The following LPP variants were observed in gnomAD, a reference collection of about 807,000 sequenced individuals.
LPP encodes the protein lipoma-preferred partner.
In LPP, 38 loss-of-function variants were observed where a neutral mutation model predicts 60.4. The ratio of observed to expected loss-of-function variants is 0.63; its 90% CI spans 0.49 to 0.83. The LOEUF is 0.83. LPP is among the 40% of genes least tolerant of loss of function. The probability of loss-of-function intolerance (pLI) is 0.00; values close to 1 mark genes in which losing one functional copy is unlikely to be tolerated. For missense variants in LPP, 902 were observed against 783.6 expected (o/e 1.15, Z -1.80); for synonymous variants, 328 against 290.8 (o/e 1.13, Z -1.30).
At chr3:188,501,427 A>T (rs1811819241) in intron 5 of LPP, among the ~76,000 whole-genome samples, 1 of 152,170 alleles carries the variant, frequency 6.6e-6, no homozygotes, top group Non-Finnish European at 1.5e-5. Context: ...AGCCTGGCCA[A>T]CATAGTGAAA....
At chr3:188,269,887 A>G (rs1317459620) in intron 2 of LPP, among the ~76,000 whole-genome samples, 1 of 152,178 alleles carries the variant, frequency 6.6e-6, no homozygotes, top group Non-Finnish European at 1.5e-5. Context: ...ACCTCAAGTG[A>G]TCCACCCACC....
intron 5 of LPP, among the ~76,000 whole-genome samples, chr3:188,521,534 AC>A (rs1199210410): frequency 1.3e-5 from 2 of 152,156 alleles, no homozygotes; most frequent in African/African-American, 4.8e-5. Flanking sequence ...CTTTACTAAT[AC>A]CCCAAGGGAA....
In LPP at chr3:188,484,709, G is replaced by A. The variant is rs1805818300; in HGVS notation, c.306+5G>A. The A allele has an allele frequency of 6.3e-7, 1 of 1,593,556 alleles. No individual in the cohort carries two copies. Among genetic ancestry groups the A allele is most frequent in the Admixed American group, 1.7e-5 (1 of 59,964 alleles). On this transcript the variant is annotated splice_donor_5th_base_variant and intron_variant, in intron 5 of 11. Transcript: ENST00000617246. ...GAAGAGGCTTTCAAAGTACAGGTAA[G>A]AGCTGAAGTTAAAGTCATGTTAGGT...
chr3:188,546,943 C>A (rs1309716966), intron 6 of LPP, among the ~76,000 whole-genome samples: 1 of 152,158 alleles, frequency 6.6e-6, no homozygotes, highest in Admixed American at 6.5e-5. Flanking sequence ...CAGTTTATAC[C>A]CTTTCTCACA....
At chr3:188,528,758 A>AC (rs1203228677) in intron 6 of LPP, among the ~76,000 whole-genome samples, 2 of 152,110 alleles carry the variant, frequency 1.3e-5, no homozygotes, top group Admixed American at 6.5e-5. Flanking sequence ...GCACAACTGG[A>AC]CTTTGAATTT....
intron 2 of LPP, among the ~76,000 whole-genome samples, chr3:188,297,982 C>G (rs1050946050): frequency 1.3e-5 from 2 of 152,214 alleles, no homozygotes; most frequent in Non-Finnish European, 2.9e-5. Context: ...CAGAGCCTAT[C>G]ATTGTTTCAA....
intron 1 of LPP, among the ~76,000 whole-genome samples, chr3:188,194,483 T>C (rs1452552002): frequency 6.6e-6 from 1 of 152,166 alleles, no homozygotes; most frequent in African/African-American, 2.4e-5. Flanking sequence ...TCCTGCCCAA[T>C]CTGTTTACAT....
At position 188,882,409 on chromosome 3, in the gene LPP, A is replaced by C. The variant is rs1356236864; in HGVS notation, c.*7930A>C. On this transcript the variant is annotated 3_prime_UTR_variant, in exon 12 of 12. Transcript: ENST00000617246. ...GCTGAATGGGAAGAAAAAGGCATAG[A>C]GGAAGCCTGAGGAAGTATTTACTTG... The C allele has an allele frequency of 8.8e-6, 2 of 226,968 alleles. No homozygotes were observed. Among genetic ancestry groups the C allele is most frequent in the Non-Finnish European group, 1.8e-5 (2 of 114,068 alleles). The allele number at this position is 226,968 out of a possible 1,614,324, so 14.1% of individuals were successfully genotyped here. A position where few individuals can be genotyped will look rare whatever the true frequency, so the allele number is the denominator to read the frequency against.
At position 188,879,326 on chromosome 3, in the gene LPP, T is replaced by A; in HGVS notation, c.*4847T>A. On this transcript the variant is annotated 3_prime_UTR_variant, in exon 12 of 12. Coordinates refer to ENST00000617246, the MANE Select transcript of LPP (RefSeq NM_001375462.1). ...TCCTACTTTCCATCCTACCTATTAG[T>A]GTTGCTGTACTTGGATTTTTTGTAA... 4.5e-6 allele frequency: 1 copy of A among 224,620 alleles called. No homozygotes were observed. The highest frequency in any genetic ancestry group is 6.4e-5 in the East Asian group (1 of 15,520). 13.9% of individuals were successfully genotyped at this position (224,620 alleles called of 1,614,324 possible). A position where few individuals can be genotyped will look rare whatever the true frequency, so the allele number is the denominator to read the frequency against.
chr3:188,826,595 A>G lies in LPP; in HGVS notation c.1411-39605A>G, dbSNP rs534515652. On this transcript the variant is annotated intron_variant, in intron 9 of 11. Coordinates refer to ENST00000617246, the MANE Select transcript of LPP (RefSeq NM_001375462.1). ...TTCATCCTCCCTTAACATTAGCTGT[A>G]GGTTTTCTCATCACTGTCTTTGCTC... Among the ~76,000 whole-genome samples, 26 of 152,266 alleles carry G rather than the reference A, an allele frequency of 1.7e-4. 2 individuals are homozygous for G. In the South Asian group the frequency reaches 5.0e-3, roughly 29 times the overall value.
chr3:188,294,474 A>G (rs1747174060), intron 2 of LPP, among the ~76,000 whole-genome samples: 1 of 152,222 alleles, frequency 6.6e-6, no homozygotes, highest in African/African-American at 2.4e-5. Flanking sequence ...TAAATAAGTC[A>G]TGCATGCTTA....
intron 6 of LPP, among the ~76,000 whole-genome samples, chr3:188,607,446 C>A (rs1842747506): frequency 1.5e-5 from 2 of 129,404 alleles, no homozygotes; most frequent in East Asian, 2.3e-4. Flanking sequence ...GTTTTACGTG[C>A]CTTACATCAC....
chr3:188,290,138 A>C (rs1171106446), intron 2 of LPP, among the ~76,000 whole-genome samples: 1 of 151,518 alleles, frequency 6.6e-6, no homozygotes, highest in Admixed American at 6.6e-5. Flanking sequence ...ATGCCCGACT[A>C]ATTTATTTTG....
At position 188,571,598 on chromosome 3, in the gene LPP, C is replaced by T. The variant is rs927044050; in HGVS notation, c.430-37563C>T. Among the ~76,000 whole-genome samples the T allele has an allele frequency of 6.6e-5, 10 of 152,110 alleles. No individual in the cohort carries two copies. The East Asian group carries it at 1.7e-3, about 27-fold the overall frequency. ...TCCCTTAGAGTTTGTAAGTCTTATG[C>T]CCCCACCATCAAAAAGTAAACAAAT... On this transcript the variant is annotated intron_variant, in intron 6 of 11. Transcript: ENST00000617246.
In LPP at chr3:188,676,533, G is replaced by A. The variant is rs181723809; in HGVS notation, c.1114-31734G>A. 1.2e-3 allele frequency among the ~76,000 whole-genome samples: 189 copies of A among 152,240 alleles called. 3 individuals carry two copies. Among genetic ancestry groups the A allele is most frequent in the African/African-American group, 4.2e-3 (174 of 41,538 alleles). On this transcript the variant is annotated intron_variant, in intron 7 of 11. Coordinates refer to ENST00000617246, the MANE Select transcript of LPP (RefSeq NM_001375462.1). ...CAAACAACAGTTTTCTTCGTTCTTT[G>A]TTATATGTCTTTGTACTTGAAAAAG...
intron 3 of LPP, among the ~76,000 whole-genome samples, chr3:188,380,510 G>A (rs1776586625): frequency 6.6e-6 from 1 of 152,144 alleles, no homozygotes; most frequent in South Asian, 2.1e-4. Context: ...ACAGATTCCT[G>A]CCAATCAAAT....
intron 3 of LPP, among the ~76,000 whole-genome samples, chr3:188,385,380 T>C (rs1332468634): frequency 2.6e-5 from 4 of 152,120 alleles, no homozygotes. Flanking sequence ...ATTTGTTCCT[T>C]CCTCGTGACA....
At chr3:188,712,843 G>A (rs951119227) in intron 8 of LPP, 1 of 144,804 alleles carries the variant, frequency 6.9e-6, no homozygotes, top group Non-Finnish European at 1.6e-5. Context: ...TGTCAACAGA[G>A]TAGGTTCCTT....
chr3:188,677,181 T>C (rs1858320275), intron 7 of LPP, among the ~76,000 whole-genome samples: 1 of 152,168 alleles, frequency 6.6e-6, no homozygotes, highest in African/African-American at 2.4e-5. Context: ...ATCTAAACCA[T>C]ACCTGCACTT....
Sources: gnomAD v4.1 joint callset for allele counts (sites outside exome capture counted in the v4.1 genomes callset) on GRCh38, gnomAD v4.1.1 for gene constraint, MANE v1.5 for transcripts, NCBI Gene and HGNC (gene_info 2026-07-23, HGNC 2026-07-21) for gene names.